Variants in NANOS3 observed in about 807,000 individuals in gnomAD.
NANOS3 encodes nanos homolog 3.
In NANOS3, 11 loss-of-function variants were observed where a neutral mutation model predicts 13.8. That is an observed-to-expected ratio of 0.80 (90% confidence interval 0.50 to 1.32). NANOS3 has a LOEUF of 1.32. NANOS3 is among the 40% of genes most tolerant of loss of function. The probability of loss-of-function intolerance (pLI) is 0.00; values close to 1 mark genes in which losing one functional copy is unlikely to be tolerated. For missense variants in NANOS3, 221 were observed against 263.8 expected, an observed-to-expected ratio of 0.84 and a Z score of 1.12; for synonymous variants, 119 against 115.4, an observed-to-expected ratio of 1.03 and a Z score of -0.20.
At chr19:13,878,682 T>A (rs370732159) in intron 1 of NANOS3, among the ~76,000 whole-genome samples, 2 of 151,502 alleles carry the variant, frequency 1.3e-5, no homozygotes, top group African/African-American at 4.9e-5. Flanking sequence ...TGGTGCGATC[T>A]TGGCTCACTG....
At chr19:13,876,554 G>A (rs1044785692), upstream of NANOS3, among the ~76,000 whole-genome samples, 1 of 152,172 alleles carries the variant, frequency 6.6e-6, no homozygotes, top group Admixed American at 6.5e-5. Context: ...GACAACCGAT[G>A]TGAAAACTCT....
intron 1 of NANOS3, among the ~76,000 whole-genome samples, chr19:13,869,061 C>T (rs774005154): frequency 3.7e-4 from 56 of 152,102 alleles, no homozygotes; most frequent in Non-Finnish European, 7.1e-4. Flanking sequence ...TATTTATAGA[C>T]CCATAGAAAC....
At chr19:13,873,692 A>G (rs945414469), upstream of NANOS3, among the ~76,000 whole-genome samples, 3 of 152,066 alleles carry the variant, frequency 2.0e-5, no homozygotes, top group African/African-American at 7.2e-5. Context: ...GTTGGTCTCC[A>G]TCTCCTGGGC....
At chr19:13,876,849 C>T (rs1968523199), upstream of NANOS3, among the ~76,000 whole-genome samples, 1 of 152,212 alleles carries the variant, frequency 6.6e-6, no homozygotes, top group East Asian at 1.9e-4. Context: ...TCCCCATCCT[C>T]CAGTGGGGCT....
intron 1 of NANOS3, among the ~76,000 whole-genome samples, chr19:13,871,647 A>T (rs1298152517): frequency 2.0e-5 from 3 of 152,110 alleles, no homozygotes; most frequent in Admixed American, 2.0e-4. Context: ...CCCCTCCAAC[A>T]TAGCCAGAAT....
At chr19:13,876,079 T>A (rs999503966), upstream of NANOS3, among the ~76,000 whole-genome samples, 5 of 152,148 alleles carry the variant, frequency 3.3e-5, no homozygotes, top group Non-Finnish European at 7.3e-5. Flanking sequence ...AAGGGCTCCC[T>A]CCCCAGCACC....
At chr19:13,873,155 T>A (rs909041359), upstream of NANOS3, among the ~76,000 whole-genome samples, 26 of 149,254 alleles carry the variant, frequency 1.7e-4, no homozygotes, top group African/African-American at 6.2e-4. Flanking sequence ...TCCGTGGGAG[T>A]CTATATGGGC....
chr19:13,878,777 G>T (rs1291341617), intron 1 of NANOS3, among the ~76,000 whole-genome samples: 2 of 150,676 alleles, frequency 1.3e-5, no homozygotes, highest in African/African-American at 4.9e-5. Flanking sequence ...ACCATTCCTG[G>T]TGTGTTTTTT....
At chr19:13,876,062 G>A (rs953583453), upstream of NANOS3, among the ~76,000 whole-genome samples, 4 of 152,006 alleles carry the variant, frequency 2.6e-5, no homozygotes, top group South Asian at 2.1e-4. Flanking sequence ...TGCAGCCCCC[G>A]CCAGGAAAGG....
chr19:13,876,083 C>T (rs1282986180), upstream of NANOS3, among the ~76,000 whole-genome samples: 1 of 152,222 alleles, frequency 6.6e-6, no homozygotes, highest in East Asian at 1.9e-4. Flanking sequence ...GCTCCCTCCC[C>T]AGCACCTAGC....
intron 1 of NANOS3, 28 bp downstream of exon 1, chr19:13,877,793 C>A: frequency 6.5e-7 from 1 of 1,530,044 alleles, no homozygotes; most frequent in Non-Finnish European, 8.8e-7. Flanking sequence ...TGGGGGGGAC[C>A]TGTCCGAGGG....
At chr19:13,868,260 T>C (rs1976272293) in intron 1 of NANOS3, among the ~76,000 whole-genome samples, 1 of 151,832 alleles carries the variant, frequency 6.6e-6, no homozygotes, top group Non-Finnish European at 1.5e-5. Context: ...AGTTTCACAA[T>C]GTTGTCCAGG....
chr19:13,878,831 G>A (rs772637941), intron 1 of NANOS3, among the ~76,000 whole-genome samples: 2 of 151,726 alleles, frequency 1.3e-5, no homozygotes, highest in Non-Finnish European at 1.5e-5. Context: ...TTCCCAGGCC[G>A]GTCTCAAACA....
chr19:13,867,033 C>T (rs1013590578), intron 1 of NANOS3, among the ~76,000 whole-genome samples: 3 of 152,046 alleles, frequency 2.0e-5, no homozygotes, highest in Non-Finnish European at 4.4e-5. Flanking sequence ...CACGATCTCC[C>T]GGATTCAAGC....
Position 13,877,578 on chromosome 19 carries a change from C to T in NANOS3, c.330C>T (p.Tyr110=), listed in dbSNP as rs767561782. The T allele has an allele frequency of 6.2e-6, 10 of 1,612,128 alleles. No individual in the cohort carries two copies. Among genetic ancestry groups the T allele is most frequent in the African/African-American group, 4.0e-5 (3 of 74,950 alleles). Residue 110 remains tyrosine, a synonymous_variant, in exon 1 of 2, where the codon TAC becomes TAT. Coordinates refer to ENST00000339133, the MANE Select transcript of NANOS3 (RefSeq NM_001098622.3). ...TGCTGTGTCCCATCCTGCGGGACTA[C>T]GTGTGTCCCCAGTGCGGCGCCACAC... is the stretch of plus-strand genomic sequence containing the variant. ...GRVLCPILRD[Y]VCPQCGATRE...
At chr19:13,863,358 C>T (rs774761980), upstream of NANOS3, among the ~76,000 whole-genome samples, 3 of 152,008 alleles carry the variant, frequency 2.0e-5, no homozygotes, top group African/African-American at 4.8e-5. Flanking sequence ...TATAGGCGCT[C>T]ACCACCACAC....
chr19:13,862,182 A>C (rs1976168257), upstream of NANOS3: 1 of 152,424 alleles, frequency 6.6e-6, no homozygotes, highest in Non-Finnish European at 1.5e-5. Flanking sequence ...AGTTAGACGT[A>C]GAGAAACACC....
upstream of NANOS3, chr19:13,874,821 T>G: frequency 1.9e-6 from 1 of 531,384 alleles, no homozygotes; most frequent in Non-Finnish European, 3.9e-6. Flanking sequence ...TGCCGGTGAC[T>G]CTGACCTTCC....
At chr19:13,868,311 G>C (rs555184598) in intron 1 of NANOS3, among the ~76,000 whole-genome samples, 263 of 151,932 alleles carry the variant, frequency 1.7e-3, no homozygotes, top group Non-Finnish European at 3.1e-3. Flanking sequence ...CACCCACCTC[G>C]GTCTCCCAAA....
Sources: gnomAD v4.1 joint callset for allele counts (sites outside exome capture counted in the v4.1 genomes callset) on GRCh38, gnomAD v4.1.1 for gene constraint, MANE v1.5 for transcripts, NCBI Gene and HGNC (gene_info 2026-07-23, HGNC 2026-07-21) for gene names.